The following HERC6 variants were observed in gnomAD, a reference collection of about 807,000 sequenced individuals.
HERC6 encodes probable E3 ubiquitin-protein ligase HERC6.
HERC6 carries 101 observed loss-of-function variants against 114.5 expected under a neutral mutation model. That is an observed-to-expected ratio of 0.88 (90% CI 0.75 to 1.04). The LOEUF (loss-of-function observed/expected upper bound fraction) is 1.04, where lower values mean the gene tolerates loss of function less well. HERC6 is among the 50% of genes least tolerant of loss of function. HERC6 has a pLI of 0.00. For synonymous variants in HERC6, 408 were observed against 436.2 expected (o/e 0.94, Z 0.81); for missense variants, 1,133 against 1,230.9 (o/e 0.92, Z 1.19).
intron 13 of HERC6, among the ~76,000 whole-genome samples, chr4:88,420,623 C>A (rs745854612): frequency 6.6e-6 from 1 of 152,050 alleles, no homozygotes; most frequent in African/African-American, 2.4e-5. Flanking sequence ...CTTTTTAAAA[C>A]AGCTTTATTG....
At chr4:88,384,505 G>A (rs944585042) in intron 2 of HERC6, among the ~76,000 whole-genome samples, 2 of 152,166 alleles carry the variant, frequency 1.3e-5, no homozygotes, top group Non-Finnish European at 2.9e-5. Context: ...TCTGGATTAT[G>A]TGTTTATGAA....
intron 17 of HERC6, among the ~76,000 whole-genome samples, chr4:88,432,588 G>T (rs1738340618): frequency 6.6e-6 from 1 of 151,974 alleles, no homozygotes; most frequent in African/African-American, 2.4e-5. Flanking sequence ...AATTAGCCAG[G>T]TGTGGTGGTG....
In HERC6 at chr4:88,396,066, A is replaced by G; in HGVS notation, c.811A>G (p.Ser271Gly). ...GDNRSGQLGY[S>G]PTPEKRGPQL... The stretch of plus-strand genomic sequence containing the variant: ...CAATCGCTCTGGACAGCTGGGATAC[A>G]GCCCCACTCCTGAGAAGAGAGGTCC... The change falls in exon 6 of 23, where the codon AGC becomes GGC. Residue 271 changes from serine to glycine, a missense_variant. This residue lies in a region of HERC6 where 735 missense variants were observed against 754.0 expected (regional missense o/e 0.97). Coordinates refer to ENST00000264346, the MANE Select transcript of HERC6 (RefSeq NM_017912.4). 1 of 1,609,322 alleles carries G rather than the reference A, an allele frequency of 6.2e-7. No homozygotes were observed. Among genetic ancestry groups the G allele is most frequent in the Non-Finnish European group, 8.5e-7 (1 of 1,177,656 alleles).
Position 88,417,546 on chromosome 4 carries a change from A to C in HERC6, c.1680A>C (p.Lys560Asn). 1 of 1,613,142 alleles carries C rather than the reference A, an allele frequency of 6.2e-7. No homozygotes were observed. Among genetic ancestry groups the C allele is most frequent in the Non-Finnish European group, 8.5e-7 (1 of 1,179,528 alleles). Residue 560 changes from lysine (K) to asparagine (N), a missense_variant, in exon 13 of 23, where the codon AAA becomes AAC. By Grantham distance (94) the Lys-to-Asn change is moderately conservative. Coordinates refer to ENST00000264346, the MANE Select transcript of HERC6 (RefSeq NM_017912.4). ...CCGAACAGGATCACTGTAATGTTAA[A>C]GCTCTTTTAGGAATGATGAAAGAAC... ...TKTEQDHCNV[K>N]ALLGMMKELH...
intron 12 of HERC6, among the ~76,000 whole-genome samples, chr4:88,415,684 G>T (rs1383821638): frequency 6.6e-6 from 1 of 152,194 alleles, no homozygotes; most frequent in African/African-American, 2.4e-5. Context: ...GAGTGAGATT[G>T]TGCCGGTTTT....
chr4:88,426,167 C>CTAT (rs1158748587), intron 15 of HERC6, among the ~76,000 whole-genome samples: 2 of 151,944 alleles, frequency 1.3e-5, no homozygotes, highest in South Asian at 2.1e-4. Flanking sequence ...CCTCTAGTTC[C>CTAT]TATTATTATT....
At chr4:88,398,236 TA>T in intron 8 of HERC6, 27 bp downstream of exon 8, 1 of 1,420,022 alleles carries the variant, frequency 7.0e-7, no homozygotes, top group South Asian at 1.4e-5. Context: ...TTGTTCCTCT[TA>T]AAAATTATTT....
intron 8 of HERC6, among the ~76,000 whole-genome samples, chr4:88,402,806 T>C (rs1340626118): frequency 6.6e-6 from 1 of 152,044 alleles, no homozygotes. Flanking sequence ...AATGAAGAAA[T>C]GGTATGTAAC....
intron 9 of HERC6, 94 bp from the exon 10 acceptor site, chr4:88,405,460 C>G: frequency 3.5e-6 from 2 of 568,730 alleles, no homozygotes; most frequent in South Asian, 6.9e-5. Flanking sequence ...AATAATTATT[C>G]CACGTCATCA....
At chr4:88,435,677 A>G (rs1473284926) in intron 17 of HERC6, 48 bp from the exon 18 acceptor site, 6 of 1,230,020 alleles carry the variant, frequency 4.9e-6, no homozygotes, top group Non-Finnish European at 6.4e-6. Context: ...ATCCCTTTGT[A>G]TTACTAATTA....
At chr4:88,407,621 C>T (rs1355754232) in intron 10 of HERC6, among the ~76,000 whole-genome samples, 2 of 151,708 alleles carry the variant, frequency 1.3e-5, no homozygotes, top group Non-Finnish European at 2.9e-5. Context: ...GTTGCCCAGG[C>T]TAGTCTCTTG....
intron 11 of HERC6, among the ~76,000 whole-genome samples, chr4:88,412,656 A>T (rs1353134403): frequency 6.6e-6 from 1 of 152,126 alleles, no homozygotes; most frequent in East Asian, 1.9e-4. Flanking sequence ...TTCTCTGCAA[A>T]TTTTTCTACT....
At chr4:88,410,547 C>T (rs796208811) in intron 11 of HERC6, among the ~76,000 whole-genome samples, 5 of 152,206 alleles carry the variant, frequency 3.3e-5, no homozygotes, top group African/African-American at 1.2e-4. Flanking sequence ...TGTAAGGGCA[C>T]TAATCCATTC....
chr4:88,395,695 T>A (rs1297358406), intron 5 of HERC6, among the ~76,000 whole-genome samples: 2 of 152,124 alleles, frequency 1.3e-5, no homozygotes, highest in East Asian at 1.9e-4. Flanking sequence ...TTTTTTTTTT[T>A]TAAATTTGTG....
chr4:88,439,870 CAAG>C lies in HERC6; in HGVS notation c.2556-3_2556-1del. The C allele has an allele frequency of 1.0e-6, 1 of 963,048 alleles. No individual in the cohort carries two copies. The highest frequency in any genetic ancestry group is 1.4e-6 in the Non-Finnish European group (1 of 698,462). 59.7% of individuals were successfully genotyped at this position (963,048 alleles called of 1,614,324 possible). On this transcript the variant is annotated splice_acceptor_variant and splice_polypyrimidine_tract_variant and intron_variant, in intron 20 of 22. Coordinates refer to ENST00000264346, the MANE Select transcript of HERC6 (RefSeq NM_017912.4). LOFTEE classifies it high-confidence loss of function. The stretch of plus-strand genomic sequence containing the variant: ...TTTTTTTTTTTTTTTTTGCTTCCCT[CAAG>C]GAGAGACTATGTTTCTAAGTATATT...
intron 1 of HERC6, among the ~76,000 whole-genome samples, chr4:88,382,302 T>C (rs1734364554): frequency 6.6e-6 from 1 of 152,160 alleles, no homozygotes; most frequent in African/African-American, 2.4e-5. Flanking sequence ...TAGGGAAATG[T>C]GATCCGGTTT....
intron 11 of HERC6, 128 bp downstream of exon 11, chr4:88,408,745 A>G: frequency 1.5e-6 from 1 of 673,200 alleles, no homozygotes; most frequent in Non-Finnish European, 2.7e-6. Context: ...TGCAGAAACA[A>G]AAATCGACCC....
At chr4:88,380,349 TATAA>T (rs1318058210) in intron 1 of HERC6, among the ~76,000 whole-genome samples, 1 of 48,734 alleles carries the variant, frequency 2.1e-5, no homozygotes, top group Non-Finnish European at 3.2e-5. Flanking sequence ...ATATATATAA[TATAA>T]ATATATATAT....
At chr4:88,389,290 G>A (rs1006885150) in intron 3 of HERC6, among the ~76,000 whole-genome samples, 22 of 152,176 alleles carry the variant, frequency 1.4e-4, no homozygotes, top group African/African-American at 3.6e-4. Flanking sequence ...GAGTTGGTCC[G>A]TCATTGAGTG....
Sources: gnomAD v4.1 joint callset for allele counts (sites outside exome capture counted in the v4.1 genomes callset) on GRCh38, gnomAD v4.1.1 for gene constraint, gnomAD v4.1.1 regional missense constraint, MANE v1.5 for transcripts, NCBI Gene and HGNC (gene_info 2026-07-23, HGNC 2026-07-21) for gene names.